The following ZFHX3 variants were observed in gnomAD, a reference collection of about 807,000 sequenced individuals.
ZFHX3 encodes zinc finger homeobox protein 3.
In ZFHX3, 42 loss-of-function variants were observed where a neutral mutation model predicts 279.1. The ratio of observed to expected loss-of-function variants is 0.15; its 90% CI spans 0.12 to 0.19. ZFHX3 has a LOEUF of 0.19. ZFHX3 is among the 10% of genes least tolerant of loss of function. ZFHX3 has a pLI of 1.00. For missense variants in ZFHX3, 4,981 were observed against 4,754.0 expected (o/e 1.05, Z -1.40); for synonymous variants, 2,293 against 1,957.8 (o/e 1.17, Z -4.52).
intron 2 of ZFHX3, among the ~76,000 whole-genome samples, chr16:73,588,572 C>A (rs1484951850): frequency 6.6e-6 from 1 of 151,672 alleles, no homozygotes; most frequent in Non-Finnish European, 1.5e-5. Flanking sequence ...CGCCTGTAGT[C>A]CCAGCTACTC....
intron 7 of ZFHX3, among the ~76,000 whole-genome samples, chr16:73,120,132 C>T (rs1306397155): frequency 1.3e-5 from 2 of 152,122 alleles, no homozygotes; most frequent in African/African-American, 4.8e-5. Flanking sequence ...TTTTTTCACA[C>T]TCAAGGCTCT....
At chr16:73,426,567 A>G (rs1354163479) in intron 3 of ZFHX3, among the ~76,000 whole-genome samples, 1 of 152,058 alleles carries the variant, frequency 6.6e-6, no homozygotes, top group Non-Finnish European at 1.5e-5. Flanking sequence ...AATTATAATC[A>G]TAGGGTGTGT....
chr16:73,040,279 C>T (rs1328573064), intron 1 of ZFHX3, among the ~76,000 whole-genome samples: 1 of 151,880 alleles, frequency 6.6e-6, no homozygotes, highest in Non-Finnish European at 1.5e-5. Flanking sequence ...AAGGGACAGG[C>T]GAGGCCAAGA....
intron 3 of ZFHX3, among the ~76,000 whole-genome samples, chr16:73,351,679 G>A (rs894051564): frequency 6.6e-6 from 1 of 152,194 alleles, no homozygotes; most frequent in Non-Finnish European, 1.5e-5. Flanking sequence ...TTAAGATAAG[G>A]AATCAAATGG....
chr16:73,304,623 C>G (rs1294283204), intron 4 of ZFHX3, among the ~76,000 whole-genome samples: 1 of 152,240 alleles, frequency 6.6e-6, no homozygotes, highest in Admixed American at 6.5e-5. Flanking sequence ...ATCCCTGCCC[C>G]CTTCCTCCAG....
chr16:72,997,941 G>GT (rs1209820033), intron 1 of ZFHX3, among the ~76,000 whole-genome samples: 1 of 151,846 alleles, frequency 6.6e-6, no homozygotes, highest in Non-Finnish European at 1.5e-5. Flanking sequence ...AATTAGCTGG[G>GT]TGTGATGGTG....
chr16:73,298,328 G>C (rs564605399), intron 4 of ZFHX3, among the ~76,000 whole-genome samples: 1 of 151,888 alleles, frequency 6.6e-6, no homozygotes, highest in East Asian at 1.9e-4. Context: ...GGGATTACAG[G>C]TATGTGCCAC....
At chr16:73,486,903 C>A in intron 2 of ZFHX3, 1 of 454,958 alleles carries the variant, frequency 2.2e-6, no homozygotes, top group South Asian at 1.6e-5. Flanking sequence ...ACAGGTAACA[C>A]TAAGGCAAAT....
At chr16:73,078,170 A>G (rs1965907059) in intron 8 of ZFHX3, among the ~76,000 whole-genome samples, 1 of 152,242 alleles carries the variant, frequency 6.6e-6, no homozygotes, top group African/African-American at 2.4e-5. Flanking sequence ...GACAGGAGAA[A>G]AAGTATGAAA....
chr16:72,794,695 C>G lies in ZFHX3; in HGVS notation c.7987G>C (p.Asp2663His), dbSNP rs2143405317. 6.2e-7 allele frequency: 1 copy of G among 1,614,242 alleles called. No individual in the cohort carries two copies. Among genetic ancestry groups the G allele is most frequent in the East Asian group, 2.2e-5 (1 of 44,882 alleles). Residue 2663 changes from aspartate (D) to histidine (H), a missense_variant, in exon 9 of 10, where the codon GAT becomes CAT. By Grantham distance (81) the Asp-to-His change is moderately conservative. Around this residue, in one of 7 missense-constraint regions of ZFHX3, gnomAD observed 744 missense variants for 701.3 expected, o/e 1.06. Transcript: ENST00000268489. This position sits in a 1 kb window ranked among gnomAD's most constrained non-coding sequence, Gnocchi z 4.2. ...AACATCTTTCGAGTCGGATTGGAAT[C>G]CAGTAGATACTTCTGGTAGAGAATT... The part of the protein sequence containing the change: ...LEILYQKYLL[D>H]SNPTRKMLDH...
intron 2 of ZFHX3, among the ~76,000 whole-genome samples, chr16:73,602,078 G>C (rs2143863580): frequency 6.6e-6 from 1 of 152,266 alleles, no homozygotes; most frequent in Non-Finnish European, 1.5e-5. Flanking sequence ...GCTTCAGTGA[G>C]CTGTGATGTT....
intron 3 of ZFHX3, among the ~76,000 whole-genome samples, chr16:72,898,006 A>G (rs1180824942): frequency 4.6e-5 from 7 of 152,248 alleles, no homozygotes; most frequent in Non-Finnish European, 8.8e-5. Flanking sequence ...AATTAAAAAG[A>G]AAATCCTTCC....
chr16:73,267,257 G>T (rs1205920877), intron 4 of ZFHX3, among the ~76,000 whole-genome samples: 1 of 152,016 alleles, frequency 6.6e-6, no homozygotes, highest in African/African-American at 2.4e-5. Context: ...TTGGGCCTGT[G>T]GAATACACAT....
chr16:73,422,211 T>C (rs1316647844), intron 3 of ZFHX3, among the ~76,000 whole-genome samples: 1 of 150,918 alleles, frequency 6.6e-6, no homozygotes. Context: ...TTTTTTTTTT[T>C]TCTATTTGGG....
chr16:72,801,915 A>C (rs1760080627), intron 7 of ZFHX3, among the ~76,000 whole-genome samples: 1 of 151,500 alleles, frequency 6.6e-6, no homozygotes, highest in South Asian at 2.1e-4. Context: ...AGGGGGAGAA[A>C]GGGAAAGGAA....
At chr16:73,778,123 G>C (rs550962267) in intron 1 of ZFHX3, among the ~76,000 whole-genome samples, 2 of 150,200 alleles carry the variant, frequency 1.3e-5, no homozygotes, top group East Asian at 4.0e-4. Context: ...TAGAGCAGAT[G>C]TTGAAAATGA....
intron 3 of ZFHX3, among the ~76,000 whole-genome samples, chr16:72,902,417 G>A (rs985147191): frequency 2.8e-4 from 43 of 152,284 alleles, no homozygotes; most frequent in African/African-American, 7.5e-4. Flanking sequence ...CCCAGCTTGC[G>A]CCTGGGTTTG....
chr16:73,796,960 G>C (rs1037089064), intron 1 of ZFHX3, among the ~76,000 whole-genome samples: 1 of 152,310 alleles, frequency 6.6e-6, no homozygotes, highest in Admixed American at 6.5e-5. Flanking sequence ...CCAGCACTTT[G>C]GGAGGCCAAG....
At chr16:73,752,934 C>T (rs574806332) in intron 1 of ZFHX3, among the ~76,000 whole-genome samples, 1 of 152,262 alleles carries the variant, frequency 6.6e-6, no homozygotes, top group East Asian at 1.9e-4. Flanking sequence ...TACAGCGGAT[C>T]CTCATTATCT....
Sources: gnomAD v4.1 joint callset for allele counts (sites outside exome capture counted in the v4.1 genomes callset) on GRCh38, gnomAD v4.1.1 for gene constraint, gnomAD v4.1.1 regional missense constraint, Gnocchi (gnomAD v3.1) non-coding constraint, MANE v1.5 for transcripts, NCBI Gene and HGNC (gene_info 2026-07-23, HGNC 2026-07-21) for gene names.